RBM47: variants seen among roughly 807,000 people sequenced by gnomAD.
The protein encoded by RBM47 is RNA binding motif protein 47.
In RBM47, 21 loss-of-function variants were observed where a neutral mutation model predicts 47.1. The observed-to-expected ratio is 0.45, with a 90% CI of 0.32 to 0.64. The LOEUF is 0.64. Ranked by LOEUF, RBM47 falls within the 30% of genes least tolerant of loss-of-function variation. RBM47 has a pLI of 0.05. For missense variants in RBM47, 708 were observed against 870.9 expected (o/e 0.81, Z 2.35); for synonymous variants, 375 against 361.7 (o/e 1.04, Z -0.42).
chr4:40,502,229 C>T (rs982801534), intron 2 of RBM47: 2 of 154,278 alleles, frequency 1.3e-5, no homozygotes, highest in Middle Eastern at 5.1e-4. Flanking sequence ...AGGGTGGGTA[C>T]GTCACATTGG....
intron 1 of RBM47, among the ~76,000 whole-genome samples, chr4:40,577,276 C>T (rs1038451469): frequency 2.0e-5 from 3 of 152,152 alleles, no homozygotes; most frequent in African/African-American, 7.2e-5. Context: ...CCAATGCCTG[C>T]ACCCACGCTT....
At chr4:40,464,598 T>A (rs1004674236) in intron 3 of RBM47, among the ~76,000 whole-genome samples, 20 of 151,676 alleles carry the variant, frequency 1.3e-4, no homozygotes, top group Non-Finnish European at 2.8e-4. Context: ...CTGACTACTG[T>A]ATATGAAAAT....
chr4:40,508,605 A>G (rs570436801), intron 2 of RBM47, among the ~76,000 whole-genome samples: 1 of 152,376 alleles, frequency 6.6e-6, no homozygotes, highest in South Asian at 2.1e-4. Flanking sequence ...ACAAAAGAGT[A>G]CATACTGTCT....
intron 2 of RBM47, among the ~76,000 whole-genome samples, chr4:40,495,944 GA>G (rs1157561924): frequency 1.3e-5 from 2 of 152,152 alleles, no homozygotes; most frequent in Non-Finnish European, 2.9e-5. Flanking sequence ...ATGCTGCCCT[GA>G]AAAGCTCTCT....
intron 2 of RBM47, among the ~76,000 whole-genome samples, chr4:40,475,405 C>T (rs1184566893): frequency 6.6e-6 from 1 of 152,108 alleles, no homozygotes; most frequent in African/African-American, 2.4e-5. Context: ...TATAAAACAA[C>T]AACAATACTG....
At chr4:40,591,335 T>C (rs2340878) in intron 1 of RBM47, among the ~76,000 whole-genome samples, 41,085 of 151,996 alleles carry the variant, frequency 0.27, 6,009 homozygotes, top group Admixed American at 0.35. Context: ...AATAGTTAAC[T>C]TTACATTATG....
chr4:40,539,355 T>C (rs1360121389), intron 2 of RBM47, among the ~76,000 whole-genome samples: 4 of 152,166 alleles, frequency 2.6e-5, no homozygotes, highest in African/African-American at 9.7e-5. Flanking sequence ...TAAGCATCCC[T>C]CATATGGACC....
chr4:40,483,114 T>A (rs1172863345), intron 2 of RBM47, among the ~76,000 whole-genome samples: 2 of 152,216 alleles, frequency 1.3e-5, no homozygotes, highest in Non-Finnish European at 2.9e-5. Flanking sequence ...CCAAGGCTGA[T>A]CAGTTTAGAC....
chr4:40,503,966 A>G (rs1255968214), intron 2 of RBM47, among the ~76,000 whole-genome samples: 1 of 152,032 alleles, frequency 6.6e-6, no homozygotes, highest in Non-Finnish European at 1.5e-5. Flanking sequence ...TGAATTCAGG[A>G]GTTCAAGGCC....
At chr4:40,630,546 G>A (rs909069264), upstream of RBM47, 1 of 152,218 alleles carries the variant, frequency 6.6e-6, no homozygotes, top group African/African-American at 2.4e-5. Context: ...CTTCGCAGCA[G>A]GGCCTGGGGC....
At chr4:40,512,422 A>G (rs1386523115) in intron 2 of RBM47, among the ~76,000 whole-genome samples, 1 of 148,224 alleles carries the variant, frequency 6.7e-6, no homozygotes, top group African/African-American at 2.5e-5. Context: ...TCAAAAAAAA[A>G]AAAAAAAAAA....
intron 1 of RBM47, among the ~76,000 whole-genome samples, chr4:40,583,455 CCA>C (rs1733188845): frequency 6.6e-6 from 1 of 150,760 alleles, no homozygotes. Flanking sequence ...GCCTGTAGTC[CCA>C]GTTACTTGGG....
intron 2 of RBM47, among the ~76,000 whole-genome samples, chr4:40,487,905 T>G (rs1410556274): frequency 2.0e-5 from 3 of 151,250 alleles, no homozygotes; most frequent in Admixed American, 1.3e-4. Flanking sequence ...CCTAGTATTT[T>G]GTAATTTCTC....
intron 2 of RBM47, among the ~76,000 whole-genome samples, chr4:40,531,036 C>A (rs1038312038): frequency 5.3e-5 from 8 of 152,118 alleles, no homozygotes; most frequent in African/African-American, 1.9e-4. Flanking sequence ...GAGGTAGAAG[C>A]TACAGTGAGC....
In RBM47 at chr4:40,517,433, G is replaced by A. The variant is rs370488945; in HGVS notation, c.-155+26989C>T. 5.3e-5 allele frequency among the ~76,000 whole-genome samples: 8 copies of A among 152,148 alleles called. No homozygotes were observed. In the South Asian group the frequency reaches 1.5e-3, roughly 28 times the overall value. ...ATTACAGGCATAAGCCACTGTGCCC[G>A]ACCCTCAACTCCTTTCTAGATCACC... On this transcript the variant is annotated intron_variant, in intron 2 of 6. Coordinates refer to ENST00000295971, the MANE Select transcript of RBM47 (RefSeq NM_001098634.2).
intron 2 of RBM47, among the ~76,000 whole-genome samples, chr4:40,518,830 G>A (rs1352335619): frequency 6.6e-6 from 1 of 151,926 alleles, no homozygotes; most frequent in Non-Finnish European, 1.5e-5. Context: ...CCCAAAGGAA[G>A]CTTATGAATT....
intron 2 of RBM47, among the ~76,000 whole-genome samples, chr4:40,499,894 T>C (rs1051645132): frequency 6.6e-6 from 1 of 152,210 alleles, no homozygotes; most frequent in African/African-American, 2.4e-5. Context: ...TCCATAATAA[T>C]ATAATTATAA....
intron 1 of RBM47, among the ~76,000 whole-genome samples, chr4:40,621,202 T>G (rs1361255807): frequency 6.6e-6 from 1 of 152,286 alleles, no homozygotes; most frequent in East Asian, 1.9e-4. Flanking sequence ...CCAAGCCTAG[T>G]AGCCACAGGA....
intron 1 of RBM47, among the ~76,000 whole-genome samples, chr4:40,596,077 C>A (rs1268803513): frequency 6.6e-6 from 1 of 152,210 alleles, no homozygotes; most frequent in African/African-American, 2.4e-5. Flanking sequence ...TGCAATGTGC[C>A]TAATCAGAGA....
Sources: allele counts gnomAD v4.1 joint callset (sites outside exome capture counted in the v4.1 genomes callset), GRCh38; gene constraint gnomAD v4.1.1; transcripts MANE v1.5; gene names NCBI Gene and HGNC (gene_info 2026-07-23, HGNC 2026-07-21).